The following ACACA variants were observed in gnomAD, a reference collection of about 807,000 sequenced individuals.
ACACA encodes acetyl-CoA carboxylase 1.
Under a neutral mutation model 296.1 loss-of-function variants are expected in ACACA, and 103 were observed. The observed-to-expected ratio is 0.35, with a 90% CI of 0.30 to 0.41. ACACA has a LOEUF of 0.41. Ranked by LOEUF, ACACA falls within the 10% of genes least tolerant of loss-of-function variation. ACACA has a pLI of 1.00. For synonymous variants in ACACA, 953 were observed against 1,038.6 expected (o/e 0.92, Z 1.58); for missense variants, 1,554 against 2,989.7 (o/e 0.52, Z 11.20).
chr17:37,291,707 A>G (rs1480782902), intron 3 of ACACA, among the ~76,000 whole-genome samples: 2 of 152,168 alleles, frequency 1.3e-5, no homozygotes, highest in African/African-American at 4.8e-5. Flanking sequence ...ATAAGCCCCA[A>G]ATACATGCCA....
intron 42 of ACACA, among the ~76,000 whole-genome samples, chr17:37,156,296 C>T (rs2076249119): frequency 6.6e-6 from 1 of 152,024 alleles, no homozygotes; most frequent in South Asian, 2.1e-4. Flanking sequence ...ATCTCCTGAC[C>T]TCGTGATCCG....
chr17:37,181,106 G>C (rs1045697110), intron 40 of ACACA, 95 bp downstream of exon 40: 1 of 1,335,390 alleles, frequency 7.5e-7, no homozygotes, highest in Non-Finnish European at 1.1e-6. Context: ...CTTGCCCTTT[G>C]GAGTGCCCCC....
At chr17:37,301,532 TGAGA>T in intron 3 of ACACA, 1 of 290,184 alleles carries the variant, frequency 3.4e-6, no homozygotes. Flanking sequence ...ACACACACTG[TGAGA>T]GACTGTTTTA....
chr17:37,203,098 G>A (rs184328142), intron 33 of ACACA, among the ~76,000 whole-genome samples: 4 of 151,744 alleles, frequency 2.6e-5, no homozygotes, highest in Admixed American at 2.0e-4. Context: ...AGTAGCTGGC[G>A]CTACAGGCGC....
intron 1 of ACACA, among the ~76,000 whole-genome samples, chr17:37,370,036 T>A (rs1314863539): frequency 7.3e-6 from 1 of 136,736 alleles, no homozygotes; most frequent in Non-Finnish European, 1.5e-5. Context: ...TGAGACAGAG[T>A]CTCACTCTGT....
chr17:37,327,467 G>C (rs181429260), intron 3 of ACACA, among the ~76,000 whole-genome samples: 1 of 152,280 alleles, frequency 6.6e-6, no homozygotes, highest in African/African-American at 2.4e-5. Context: ...TTCAATCCAT[G>C]GCTCCTCCAC....
chr17:37,281,212 C>T (rs574819979), intron 5 of ACACA, among the ~76,000 whole-genome samples: 1 of 152,080 alleles, frequency 6.6e-6, no homozygotes, highest in South Asian at 2.1e-4. Flanking sequence ...GGCACCAGCA[C>T]CATGCCCAGC....
At chr17:37,367,238 AAG>A (rs2049641072) in intron 1 of ACACA, among the ~76,000 whole-genome samples, 1 of 151,646 alleles carries the variant, frequency 6.6e-6, no homozygotes, top group African/African-American at 2.4e-5. Context: ...AAAAAAAAAA[AAG>A]AAGAAAGAAT....
chr17:37,330,023 C>A (rs535296400), intron 3 of ACACA, 150 bp downstream of exon 3: 2 of 975,384 alleles, frequency 2.1e-6, no homozygotes, highest in Non-Finnish European at 3.1e-6. Flanking sequence ...AAAAATACAT[C>A]ATTTCTGACT....
At chr17:37,255,527 A>C (rs1379468069) in intron 14 of ACACA, among the ~76,000 whole-genome samples, 1 of 152,204 alleles carries the variant, frequency 6.6e-6, no homozygotes, top group Non-Finnish European at 1.5e-5. Flanking sequence ...AGAGCTGGTC[A>C]GAAATAAGGA....
At chr17:37,388,617 T>A in intron 1 of ACACA, 2 of 1,569,404 alleles carry the variant, frequency 1.3e-6, no homozygotes, top group Non-Finnish European at 1.7e-6. Flanking sequence ...GATCAATCTC[T>A]TTCCTCTCTC....
chr17:37,174,689 C>T lies in ACACA; in HGVS notation c.5079+4571G>A, dbSNP rs574045980. On this transcript the variant is annotated intron_variant, in intron 41 of 55. Transcript: ENST00000616317. ...CTGGGACTACAGGCACCCGCCACCACGCCTGGCTAATTTTTGTATTTTTAG... is the reference window on the plus strand; with the variant it reads ...CTGGGACTACAGGCACCCGCCACCATGCCTGGCTAATTTTTGTATTTTTAG... Among the ~76,000 whole-genome samples the T allele has an allele frequency of 1.6e-4, 25 of 152,096 alleles. No individual in the cohort carries two copies. The South Asian group carries it at 5.0e-3, about 30-fold the overall frequency.
At chr17:37,246,780 C>G in intron 19 of ACACA, 46 bp downstream of exon 19, 1 of 1,608,918 alleles carries the variant, frequency 6.2e-7, no homozygotes, top group Non-Finnish European at 8.5e-7. Flanking sequence ...CGACCCTTTT[C>G]CTACCTTCCC....
chr17:37,305,095 T>C (rs2083809420), intron 3 of ACACA, among the ~76,000 whole-genome samples: 1 of 152,288 alleles, frequency 6.6e-6, no homozygotes, highest in South Asian at 2.1e-4. Flanking sequence ...TTCCTAAACA[T>C]GGGTCACATT....
chr17:37,199,233 C>G (rs2078138870), intron 35 of ACACA, among the ~76,000 whole-genome samples: 1 of 148,338 alleles, frequency 6.7e-6, no homozygotes, highest in Non-Finnish European at 1.5e-5. Flanking sequence ...AAGCAAGACA[C>G]TCTCTCAAAA....
intron 25 of ACACA, among the ~76,000 whole-genome samples, chr17:37,228,006 G>A (rs1185051802): frequency 4.6e-5 from 7 of 151,912 alleles, no homozygotes; most frequent in Admixed American, 3.9e-4. Flanking sequence ...TTGATTATCA[G>A]CCCTTTTCTT....
chr17:37,115,702 T>C (rs1597862251), intron 50 of ACACA, among the ~76,000 whole-genome samples: 1 of 152,214 alleles, frequency 6.6e-6, no homozygotes, highest in Non-Finnish European at 1.5e-5. Flanking sequence ...TCATAGTATA[T>C]GCAAACAGTT....
chr17:37,121,634 T>C (rs758194706), intron 49 of ACACA, 144 bp from the exon 50 acceptor site: 2 of 1,084,690 alleles, frequency 1.8e-6, no homozygotes, highest in Non-Finnish European at 2.7e-6. Flanking sequence ...ATCATCATGT[T>C]TGGAGTAAAA....
At chr17:37,349,171 G>A (rs911827854) in intron 1 of ACACA, among the ~76,000 whole-genome samples, 20 of 149,450 alleles carry the variant, frequency 1.3e-4, no homozygotes, top group African/African-American at 4.4e-4. Context: ...AGCAATTATC[G>A]TGCCTCAGCC....
Sources: allele counts gnomAD v4.1 joint callset (sites outside exome capture counted in the v4.1 genomes callset), GRCh38; gene constraint gnomAD v4.1.1; transcripts MANE v1.5; gene names NCBI Gene and HGNC (gene_info 2026-07-23, HGNC 2026-07-21).